Variants in PRKN observed in about 807,000 individuals in gnomAD.
The protein encoded by PRKN is E3 ubiquitin-protein ligase parkin.
Under a neutral mutation model 59.5 loss-of-function variants are expected in PRKN, and 56 were observed. That is an observed-to-expected ratio of 0.94 (90% CI 0.76 to 1.18). The LOEUF (loss-of-function observed/expected upper bound fraction) is 1.18, where lower values mean the gene tolerates loss of function less well. Ranked by LOEUF, PRKN falls within the 50% of genes most tolerant of loss-of-function variation. The probability of loss-of-function intolerance (pLI) is 0.00; values close to 1 mark genes in which losing one functional copy is unlikely to be tolerated. For synonymous variants in PRKN, 250 were observed against 222.1 expected (o/e 1.13, Z -1.12); for missense variants, 657 against 596.4 (o/e 1.10, Z -1.06).
intron 2 of PRKN, among the ~76,000 whole-genome samples, chr6:162,306,161 A>G (rs1246931844): frequency 1.3e-5 from 2 of 152,188 alleles, no homozygotes; most frequent in South Asian, 2.1e-4. Flanking sequence ...TGGGTCAGAA[A>G]AAGAATTCTA....
chr6:161,725,123 A>G (rs1361912099), intron 7 of PRKN, among the ~76,000 whole-genome samples: 1 of 152,226 alleles, frequency 6.6e-6, no homozygotes, highest in Non-Finnish European at 1.5e-5. Context: ...CAACCTGCAG[A>G]ACCATGAGCC....
chr6:161,680,764 TATATATATATA>T (rs1279716408), intron 7 of PRKN, among the ~76,000 whole-genome samples: 196 of 18,432 alleles, frequency 0.011, 7 homozygotes, highest in African/African-American at 0.023. Context: ...TATATATATA[TATATATATATA>T]TTTTTTTTTT....
At position 161,704,704 on chromosome 6, in the gene PRKN, G is replaced by A. The variant is rs528302691; in HGVS notation, c.871+81068C>T. Reference sequence around the variant, plus strand: ...CACCAAGCCCAAAAGTGCCTCATCCGGTCATTTCTGACCAGTCCTCTGGTC... The same window carrying A: ...CACCAAGCCCAAAAGTGCCTCATCCAGTCATTTCTGACCAGTCCTCTGGTC... On this transcript the variant is annotated intron_variant, in intron 7 of 11. Coordinates refer to ENST00000366898, the MANE Select transcript of PRKN (RefSeq NM_004562.3). Among the ~76,000 whole-genome samples, 12 of 152,158 alleles carry A rather than the reference G, an allele frequency of 7.9e-5. No individual in the cohort carries two copies. The South Asian group carries it at 8.3e-4, about 11-fold the overall frequency.
intron 2 of PRKN, among the ~76,000 whole-genome samples, chr6:162,315,540 T>C (rs1264812351): frequency 6.6e-6 from 1 of 152,168 alleles, no homozygotes; most frequent in Non-Finnish European, 1.5e-5. Flanking sequence ...ATTTAACTGG[T>C]TGTCTTGTGT....
At chr6:161,957,434 TTG>T (rs371066114) in intron 6 of PRKN, among the ~76,000 whole-genome samples, 5 of 119,226 alleles carry the variant, frequency 4.2e-5, no homozygotes, top group African/African-American at 1.6e-4. Context: ...GTTTGTTTGT[TTG>T]TTTTTTTGAG....
In PRKN at chr6:162,636,148, A is replaced by G. The variant is rs1338892353; in HGVS notation, c.7+91514T>C. 5.8e-5 allele frequency among the ~76,000 whole-genome samples: 6 copies of G among 103,750 alleles called. No individual in the cohort carries two copies. In the Admixed American group the frequency reaches 6.2e-4, roughly 11 times the overall value. The allele number at this position is 103,750 out of a possible 152,430, so 68.1% of individuals were successfully genotyped here. A position where few individuals can be genotyped will look rare whatever the true frequency, so the allele number is the denominator to read the frequency against. On this transcript the variant is annotated intron_variant, in intron 1 of 11. Coordinates refer to ENST00000366898, the MANE Select transcript of PRKN (RefSeq NM_004562.3). ...AGCTATATATTACTTACATAGTAAT[A>G]TAATTTGCCCACAAAAAAGTTAATG... is the stretch of plus-strand genomic sequence containing the variant.
chr6:161,443,504 G>A (rs182826415), intron 9 of PRKN, among the ~76,000 whole-genome samples: 90 of 152,202 alleles, frequency 5.9e-4, no homozygotes, highest in Non-Finnish European at 8.1e-4. Context: ...CGCAATGCCC[G>A]CTGGAAGATA....
intron 9 of PRKN, among the ~76,000 whole-genome samples, chr6:161,431,904 T>C (rs1328366003): frequency 6.6e-6 from 1 of 152,198 alleles, no homozygotes; most frequent in Non-Finnish European, 1.5e-5. Context: ...CGTGAGCCAC[T>C]GCATCCGGCA....
intron 4 of PRKN, among the ~76,000 whole-genome samples, chr6:162,127,196 C>G (rs1781159592): frequency 6.6e-6 from 1 of 152,166 alleles, no homozygotes; most frequent in African/African-American, 2.4e-5. Context: ...ATGTTCGTAC[C>G]AAGTTGCAAA....
At chr6:162,565,275 C>A (rs1446948898) in intron 1 of PRKN, among the ~76,000 whole-genome samples, 1 of 151,840 alleles carries the variant, frequency 6.6e-6, no homozygotes, top group Admixed American at 6.6e-5. Context: ...AAACGTATCA[C>A]CAGAGAAAAT....
rs547453433 is a variant in PRKN, at chr6:161,386,383, T to C, written c.1167+411A>G. Among the ~76,000 whole-genome samples the C allele has an allele frequency of 6.6e-6, 1 of 152,330 alleles. No individual in the cohort carries two copies. Among genetic ancestry groups the C allele is most frequent in the African/African-American group, 2.4e-5 (1 of 41,584 alleles). On this transcript the variant is annotated intron_variant, in intron 10 of 11. Transcript: ENST00000366898. The surrounding 1 kb of genome is among the most constrained non-coding windows in gnomAD (Gnocchi z 4.3). ...ACAATGATATCCTTACATAATGTCA[T>C]CTTTCTGTACATGCCACTCACAGAG...
chr6:162,118,789 A>C lies in PRKN; in HGVS notation c.535-64615T>G, dbSNP rs150559681. 8.0e-3 allele frequency among the ~76,000 whole-genome samples: 1,224 copies of C among 152,344 alleles called. 14 individuals carry two copies. The highest frequency in any genetic ancestry group is 0.028 in the African/African-American group (1,178 of 41,582). ...GAATAACTTGGAACTCCTATAAGCA[A>C]CACTTGACAAATTAGCAACATGGGC... On this transcript the variant is annotated intron_variant, in intron 4 of 11. Coordinates refer to ENST00000366898, the MANE Select transcript of PRKN (RefSeq NM_004562.3).
intron 7 of PRKN, among the ~76,000 whole-genome samples, chr6:161,736,491 A>C (rs73599141): frequency 1.2e-3 from 183 of 152,340 alleles, no homozygotes; most frequent in African/African-American, 4.3e-3. Flanking sequence ...CACATGTCTG[A>C]GAAGAGGGAG....
chr6:162,518,253 T>C (rs1464629071), intron 1 of PRKN, among the ~76,000 whole-genome samples: 1 of 152,206 alleles, frequency 6.6e-6, no homozygotes, highest in Non-Finnish European at 1.5e-5. Flanking sequence ...TATAAGCACT[T>C]ATCATTACAT....
rs140822296 is a variant in PRKN at position 161,447,457 on chromosome 6, G to T, written c.1084-60580C>A. ...AAAAGGCCCCCTGTAAAGAAGACAA[G>T]TTGGAGAATAATCTCCCATATTCCT... On this transcript the variant is annotated intron_variant, in intron 9 of 11. Coordinates refer to ENST00000366898, the MANE Select transcript of PRKN (RefSeq NM_004562.3). This position sits in a 1 kb window ranked among gnomAD's most constrained non-coding sequence, Gnocchi z 4.1. 1.3e-3 allele frequency among the ~76,000 whole-genome samples: 194 copies of T among 152,312 alleles called. No individual in the cohort carries two copies. Among genetic ancestry groups the T allele is most frequent in the Middle Eastern group, 3.4e-3 (1 of 294 alleles).
At chr6:161,671,214 A>AT (rs747936340) in intron 7 of PRKN, among the ~76,000 whole-genome samples, 3 of 152,224 alleles carry the variant, frequency 2.0e-5, no homozygotes, top group Non-Finnish European at 2.9e-5. Flanking sequence ...ATTCTGCTGC[A>AT]TTTTCAACAC....
At chr6:162,325,203 TAA>T (rs1783214064) in intron 2 of PRKN, among the ~76,000 whole-genome samples, 1 of 152,140 alleles carries the variant, frequency 6.6e-6, no homozygotes, top group African/African-American at 2.4e-5. Flanking sequence ...TCTTTGAATG[TAA>T]AGAGAGCCAG....
At chr6:161,641,400 C>T (rs1437650182) in intron 7 of PRKN, among the ~76,000 whole-genome samples, 1 of 152,124 alleles carries the variant, frequency 6.6e-6, no homozygotes, top group Non-Finnish European at 1.5e-5. Flanking sequence ...TAAAGTGGCT[C>T]ATCTGGTCAG....
intron 7 of PRKN, among the ~76,000 whole-genome samples, chr6:161,747,241 T>C (rs1788470721): frequency 6.6e-6 from 1 of 152,148 alleles, no homozygotes; most frequent in African/African-American, 2.4e-5. Context: ...CAAGGAGAAA[T>C]TGTCATCAAT....
Sources: allele counts gnomAD v4.1 joint callset (sites outside exome capture counted in the v4.1 genomes callset), GRCh38; gene constraint gnomAD v4.1.1; non-coding constraint Gnocchi (gnomAD v3.1); transcripts MANE v1.5; gene names NCBI Gene and HGNC (gene_info 2026-07-23, HGNC 2026-07-21).